CNTNAP2: variants seen among roughly 807,000 people sequenced by gnomAD.
CNTNAP2 encodes contactin associated protein 2.
CNTNAP2 carries 98 observed loss-of-function variants against 155.2 expected under a neutral mutation model. The ratio of observed to expected loss-of-function variants is 0.63; its 90% confidence interval spans 0.54 to 0.75. The LOEUF is 0.75. Among genes scored for constraint, CNTNAP2 ranks in the 30% least tolerant of loss-of-function variants. The probability of loss-of-function intolerance (pLI) is 0.00; values close to 1 mark genes in which losing one functional copy is unlikely to be tolerated. For missense variants in CNTNAP2, 1,727 were observed against 1,688.1 expected, an observed-to-expected ratio of 1.02 and a Z score of -0.40; for synonymous variants, 651 against 631.2, an observed-to-expected ratio of 1.03 and a Z score of -0.47.
intron 1 of CNTNAP2, among the ~76,000 whole-genome samples, chr7:146,238,571 T>C (rs1260991221): frequency 1.3e-5 from 2 of 152,138 alleles, no homozygotes; most frequent in African/African-American, 4.8e-5. Flanking sequence ...CAATTATTAA[T>C]ATTTTCTTTT....
intron 13 of CNTNAP2, among the ~76,000 whole-genome samples, chr7:147,641,103 C>T (rs1463057403): frequency 2.0e-5 from 3 of 152,232 alleles, no homozygotes; most frequent in Non-Finnish European, 2.9e-5. Context: ...GGTATTTGCA[C>T]ATCAAAGCTT....
intron 15 of CNTNAP2, among the ~76,000 whole-genome samples, chr7:148,052,725 G>A (rs573899158): frequency 6.6e-6 from 1 of 152,314 alleles, no homozygotes; most frequent in East Asian, 1.9e-4. Flanking sequence ...ATACATTTAA[G>A]TTTAGCCGTA....
intron 1 of CNTNAP2, among the ~76,000 whole-genome samples, chr7:146,610,364 G>T (rs948523576): frequency 6.6e-6 from 1 of 152,102 alleles, no homozygotes; most frequent in African/African-American, 2.4e-5. Context: ...ACATTTGACA[G>T]GTAAGGAGAA....
intron 1 of CNTNAP2, among the ~76,000 whole-genome samples, chr7:146,520,436 A>C (rs1797602272): frequency 6.6e-6 from 1 of 151,206 alleles, no homozygotes; most frequent in African/African-American, 2.4e-5. Flanking sequence ...ATAGTAGTTA[A>C]TCAACAAATG....
chr7:147,093,001 T>A (rs981601542), intron 4 of CNTNAP2, among the ~76,000 whole-genome samples: 1 of 151,818 alleles, frequency 6.6e-6, no homozygotes, highest in Non-Finnish European at 1.5e-5. Context: ...GGCAGGCGGA[T>A]CACGACGTCA....
chr7:146,201,622 T>C (rs1798861929), intron 1 of CNTNAP2, among the ~76,000 whole-genome samples: 1 of 148,726 alleles, frequency 6.7e-6, no homozygotes, highest in African/African-American at 2.5e-5. Flanking sequence ...ACAGAACTTT[T>C]TTTTAAATGT....
chr7:147,661,109 A>G (rs1207637513), intron 13 of CNTNAP2, among the ~76,000 whole-genome samples: 1 of 152,188 alleles, frequency 6.6e-6, no homozygotes, highest in African/African-American at 2.4e-5. Context: ...CCCTTTACCT[A>G]TAATATGCAC....
intron 8 of CNTNAP2, among the ~76,000 whole-genome samples, chr7:147,157,997 A>T (rs1449118563): frequency 6.6e-6 from 1 of 152,144 alleles, no homozygotes; most frequent in Non-Finnish European, 1.5e-5. Flanking sequence ...TAACAAAAAC[A>T]ATTTATATGC....
At chr7:147,450,890 C>A (rs1019213231) in intron 10 of CNTNAP2, among the ~76,000 whole-genome samples, 5 of 152,138 alleles carry the variant, frequency 3.3e-5, no homozygotes, top group Non-Finnish European at 5.9e-5. Flanking sequence ...GACATTAATT[C>A]CTTATATTCT....
chr7:146,670,909 GA>G (rs1800292128), intron 1 of CNTNAP2, among the ~76,000 whole-genome samples: 1 of 152,120 alleles, frequency 6.6e-6, no homozygotes. Context: ...CAAGAGTTTT[GA>G]GAGAAGGCAA....
chr7:147,421,237 G>C (rs2116508138), intron 10 of CNTNAP2, among the ~76,000 whole-genome samples: 1 of 152,224 alleles, frequency 6.6e-6, no homozygotes, highest in East Asian at 1.9e-4. Flanking sequence ...TTTCCACTGA[G>C]AGGATTTTCT....
chr7:147,635,272 C>CT (rs1016730291), intron 12 of CNTNAP2, among the ~76,000 whole-genome samples: 26 of 145,160 alleles, frequency 1.8e-4, no homozygotes, highest in African/African-American at 2.8e-4. Context: ...AGCTCCAAAA[C>CT]TTTTTTTTTT....
chr7:146,468,946 G>A (rs1796755169), intron 1 of CNTNAP2, among the ~76,000 whole-genome samples: 1 of 152,100 alleles, frequency 6.6e-6, no homozygotes, highest in African/African-American at 2.4e-5. Flanking sequence ...AAAAAACTGT[G>A]GAAGAAAAAG....
chr7:147,478,857 ATG>A (rs1319103604), intron 10 of CNTNAP2, among the ~76,000 whole-genome samples: 1 of 152,232 alleles, frequency 6.6e-6, no homozygotes, highest in Non-Finnish European at 1.5e-5. Context: ...TTGCATAACA[ATG>A]TGCAACAGCT....
intron 14 of CNTNAP2, among the ~76,000 whole-genome samples, chr7:147,927,183 G>C (rs940516953): frequency 5.3e-5 from 8 of 152,074 alleles, no homozygotes; most frequent in African/African-American, 1.9e-4. Flanking sequence ...AATGGTCTAA[G>C]GATAACTTTT....
intron 21 of CNTNAP2, among the ~76,000 whole-genome samples, chr7:148,297,890 C>T (rs1797312709): frequency 6.6e-6 from 1 of 152,064 alleles, no homozygotes; most frequent in Admixed American, 6.6e-5. Flanking sequence ...AAATGGATCA[C>T]CCCAAACAGA....
At position 146,728,626 on chromosome 7, in the gene CNTNAP2, C is replaced by T. The variant is rs189695223; in HGVS notation, c.98-45645C>T. Among the ~76,000 whole-genome samples the T allele has an allele frequency of 5.1e-5, 7 of 136,512 alleles. No individual in the cohort carries two copies. In the South Asian group the frequency reaches 9.2e-4, roughly 18 times the overall value. 89.6% of individuals were successfully genotyped at this position (136,512 alleles called of 152,430 possible). ...TTTTAGGCTGCAAAAAAAAAAAAAA[C>T]GAAACAACAGCCTTTGTCCTAATTC... is the stretch of plus-strand genomic sequence containing the variant. On this transcript the variant is annotated intron_variant, in intron 1 of 23. Transcript: ENST00000361727.
At chr7:147,064,146 A>T (rs1799735948) in intron 4 of CNTNAP2, among the ~76,000 whole-genome samples, 1 of 152,178 alleles carries the variant, frequency 6.6e-6, no homozygotes, top group Non-Finnish European at 1.5e-5. Flanking sequence ...TAGTATTAAA[A>T]GGCTGACTTA....
At chr7:146,551,615 G>T (rs1477093828) in intron 1 of CNTNAP2, among the ~76,000 whole-genome samples, 2 of 151,850 alleles carry the variant, frequency 1.3e-5, no homozygotes, top group Non-Finnish European at 2.9e-5. Flanking sequence ...TTAAAAAAAA[G>T]AATAAGAGGC....
Sources: gnomAD v4.1 joint callset for allele counts (sites outside exome capture counted in the v4.1 genomes callset) on GRCh38, gnomAD v4.1.1 for gene constraint, MANE v1.5 for transcripts, NCBI Gene and HGNC (gene_info 2026-07-23, HGNC 2026-07-21) for gene names.